The following TMEM39B variants were observed in gnomAD, a reference collection of about 807,000 sequenced individuals.
TMEM39B encodes the protein transmembrane protein 39B.
A neutral mutation model predicts 52.2 loss-of-function variants in TMEM39B; 23 were observed. That is an observed-to-expected ratio of 0.44 (90% CI 0.32 to 0.62). The LOEUF (loss-of-function observed/expected upper bound fraction) is 0.62. Ranked by LOEUF, TMEM39B falls within the 20% of genes least tolerant of loss-of-function variation. TMEM39B has a pLI of 0.06. For synonymous variants in TMEM39B, 285 were observed against 264.0 expected, an observed-to-expected ratio of 1.08 and a Z score of -0.77; for missense variants, 547 against 642.0, an observed-to-expected ratio of 0.85 and a Z score of 1.60.
chr1:32,098,515 G>A (rs1640898186), intron 7 of TMEM39B, among the ~76,000 whole-genome samples: 1 of 151,832 alleles, frequency 6.6e-6, no homozygotes, highest in East Asian at 2.0e-4. Flanking sequence ...GGCGGATCAC[G>A]AGGTCAGGAG....
intron 5 of TMEM39B, 79 bp downstream of exon 5, chr1:32,077,397 G>T (rs1335370264): frequency 2.6e-6 from 4 of 1,543,052 alleles, no homozygotes; most frequent in Non-Finnish European, 3.5e-6. Context: ...GGCTCACCAG[G>T]CCTCCATATC....
At chr1:32,095,066 A>C in intron 7 of TMEM39B, 95 bp downstream of exon 7, 2 of 1,408,754 alleles carry the variant, frequency 1.4e-6, no homozygotes, top group Non-Finnish European at 1.9e-6. Context: ...TTAGTTAGCA[A>C]ATAGTTATTG....
rs1170300896 is a variant in TMEM39B at position 32,072,997 on chromosome 1, T to C, written c.-51T>C. On this transcript the variant is annotated 5_prime_UTR_variant, in exon 1 of 9. Coordinates refer to ENST00000336294, the MANE Select transcript of TMEM39B (RefSeq NM_018056.4). ...CTCCCGGCCGCCGTCGCCTCCGACA[T>C]ATTGCCCGCAGGAGCTGCGGCGGCG... The C allele has an allele frequency of 6.5e-7, 1 of 1,532,638 alleles. No homozygotes were observed. Among genetic ancestry groups the C allele is most frequent in the Admixed American group, 2.0e-5 (1 of 49,356 alleles). The allele number at this position is 1,532,638 out of a possible 1,614,324, so 94.9% of individuals were successfully genotyped here. A position where few individuals can be genotyped will look rare whatever the true frequency, so the allele number is the denominator to read the frequency against.
chr1:32,097,434 A>G (rs536133173), intron 7 of TMEM39B, among the ~76,000 whole-genome samples: 22 of 142,974 alleles, frequency 1.5e-4, no homozygotes, highest in African/African-American at 5.5e-4. Context: ...AGGTTCAAGC[A>G]GTTCTCCTGC....
intron 2 of TMEM39B, 21 bp from the exon 3 acceptor site, chr1:32,075,582 T>A (rs1221961828): frequency 3.2e-6 from 5 of 1,539,946 alleles, no homozygotes; most frequent in Middle Eastern, 4.0e-4. Flanking sequence ...GCTGCTGATG[T>A]TGTTCCCTCC....
intron 5 of TMEM39B, among the ~76,000 whole-genome samples, chr1:32,091,049 A>G (rs922078620): frequency 1.3e-5 from 2 of 152,102 alleles, no homozygotes; most frequent in Non-Finnish European, 2.9e-5. Context: ...CGGCATCCCA[A>G]AGTGCTGGGA....
chr1:32,098,559 C>T (rs897652044), intron 7 of TMEM39B, among the ~76,000 whole-genome samples: 11 of 151,906 alleles, frequency 7.2e-5, no homozygotes, highest in East Asian at 3.9e-4. Context: ...GGTGAAACCC[C>T]GTCTCTTCTA....
rs574292710 is a variant in TMEM39B, at chr1:32,073,009, G to C, written c.-39G>C. The stretch of plus-strand genomic sequence containing the variant: ...GTCGCCTCCGACATATTGCCCGCAG[G>C]AGCTGCGGCGGCGAAGCGGAGAGCA... On this transcript the variant is annotated 5_prime_UTR_variant, in exon 1 of 9. Transcript: ENST00000336294. The C allele has an allele frequency of 1.3e-6, 2 of 1,532,852 alleles. No individual in the cohort carries two copies. Among genetic ancestry groups the C allele is most frequent in the Non-Finnish European group, 8.8e-7 (1 of 1,138,150 alleles). The allele number at this position is 1,532,852 out of a possible 1,614,324, so 95.0% of individuals were successfully genotyped here. A position where few individuals can be genotyped will look rare whatever the true frequency, so the allele number is the denominator to read the frequency against.
At position 32,077,198 on chromosome 1, in the gene TMEM39B, C is replaced by G; in HGVS notation, c.470C>G (p.Ser157Cys). The G allele has an allele frequency of 6.2e-7, 1 of 1,614,184 alleles. No individual in the cohort carries two copies. Among genetic ancestry groups the G allele is most frequent in the Non-Finnish European group, 8.5e-7 (1 of 1,180,040 alleles). Residue 157 changes from serine to cysteine, a missense_variant, in exon 5 of 9, where the codon TCC becomes TGC. Ser to Cys is a moderately radical substitution (Grantham distance 112). Coordinates refer to ENST00000336294, the MANE Select transcript of TMEM39B (RefSeq NM_018056.4). ...SQRGKVSLFR[S>C]ILLFLTRFTV... The stretch of plus-strand genomic sequence containing the variant: ...AGGGGGAAGGTCTCCCTCTTTCGCT[C>G]CATCCTGCTGTTCCTCACTCGCTTC...
intron 6 of TMEM39B, among the ~76,000 whole-genome samples, chr1:32,094,117 CTTTTTTTTTT>C (rs796499631): frequency 0.014 from 418 of 29,804 alleles, 6 homozygotes; most frequent in African/African-American, 0.044. Context: ...TGCGCCTGGC[CTTTTTTTTTT>C]TTTTTTTTTT....
intron 3 of TMEM39B, 112 bp from the exon 4 acceptor site, chr1:32,076,651 G>C: frequency 8.9e-7 from 1 of 1,118,536 alleles, no homozygotes; most frequent in Non-Finnish European, 1.3e-6. Flanking sequence ...ATGAAGGTCA[G>C]AGAATGAGGA....
chr1:32,095,113 G>A lies in TMEM39B; in HGVS notation c.1115+142G>A. The A allele has an allele frequency of 3.2e-6, 3 of 933,892 alleles. No homozygotes were observed. The African/African-American group carries it at 4.9e-5, about 15-fold the overall frequency. 57.9% of individuals were successfully genotyped at this position (933,892 alleles called of 1,614,324 possible). A position where few individuals can be genotyped will look rare whatever the true frequency, so the allele number is the denominator to read the frequency against. ...TATATTATTAGGCCAGGTGTCCAGG[G>A]TGGGGTATGGTGGGGCCTGACACAC... On this transcript the variant is annotated intron_variant, in intron 7 of 8. Coordinates refer to ENST00000336294, the MANE Select transcript of TMEM39B (RefSeq NM_018056.4).
chr1:32,072,802 G>T, upstream of TMEM39B: 1 of 537,768 alleles, frequency 1.9e-6, no homozygotes, highest in Non-Finnish European at 3.3e-6. Context: ...ACCAGCAGCT[G>T]CAGGAAGGGC....
Position 32,075,482 on chromosome 1 carries a change from G to C in TMEM39B, c.132-121G>C, listed in dbSNP as rs941440085. On this transcript the variant is annotated intron_variant, in intron 2 of 8. Transcript: ENST00000336294. The stretch of plus-strand genomic sequence containing the variant: ...TCCTTTGTCTGACAAGCAGGATTAG[G>C]AAGACCCCGTCCTTGCTATGAGCTG... The C allele has an allele frequency of 2.1e-5, 22 of 1,024,914 alleles. No homozygotes were observed. In the African/African-American group the frequency reaches 3.2e-4, roughly 15 times the overall value. 63.5% of individuals were successfully genotyped at this position (1,024,914 alleles called of 1,614,324 possible). A position where few individuals can be genotyped will look rare whatever the true frequency, so the allele number is the denominator to read the frequency against.
Position 32,102,861 on chromosome 1 carries a change from C to A in TMEM39B, c.*188C>A. 1 of 577,444 alleles carries A rather than the reference C, an allele frequency of 1.7e-6. No homozygotes were observed. Among genetic ancestry groups the A allele is most frequent in the Non-Finnish European group, 2.7e-6 (1 of 371,562 alleles). 35.8% of individuals were successfully genotyped at this position (577,444 alleles called of 1,614,324 possible). A position where few individuals can be genotyped will look rare whatever the true frequency, so the allele number is the denominator to read the frequency against. On this transcript the variant is annotated 3_prime_UTR_variant, in exon 9 of 9. Coordinates refer to ENST00000336294, the MANE Select transcript of TMEM39B (RefSeq NM_018056.4). The stretch of plus-strand genomic sequence containing the variant: ...GAAAAAAGTCCTATTTTTATACTCC[C>A]AACAAGCCTGTGTCCTGTGGTTCTT...
At chr1:32,085,228 G>A (rs1640290131) in intron 5 of TMEM39B, among the ~76,000 whole-genome samples, 1 of 151,862 alleles carries the variant, frequency 6.6e-6, no homozygotes, top group Non-Finnish European at 1.5e-5. Context: ...CTGGATTTCT[G>A]TTCATCAGAT....
intron 5 of TMEM39B, among the ~76,000 whole-genome samples, chr1:32,086,778 AAGAG>A (rs561308722): frequency 1.1e-3 from 171 of 151,990 alleles, no homozygotes; most frequent in Middle Eastern, 0.01. Context: ...AAAAAAAAAA[AAGAG>A]AGAGAAACTG....
intron 1 of TMEM39B, chr1:32,073,810 C>T: frequency 1.0e-6 from 1 of 985,346 alleles, no homozygotes; most frequent in Non-Finnish European, 1.2e-6. Flanking sequence ...GGAAACGCTT[C>T]CGAGCTGAGA....
At chr1:32,078,420 C>A (rs1375025972) in intron 5 of TMEM39B, among the ~76,000 whole-genome samples, 5 of 151,906 alleles carry the variant, frequency 3.3e-5, no homozygotes, top group Admixed American at 3.3e-4. Context: ...GAGGTCGAGG[C>A]TGCAGTGAGC....
Sources: allele counts gnomAD v4.1 joint callset (sites outside exome capture counted in the v4.1 genomes callset), GRCh38; gene constraint gnomAD v4.1.1; transcripts MANE v1.5; gene names NCBI Gene and HGNC (gene_info 2026-07-23, HGNC 2026-07-21).